The following PSMB1 variants were observed in gnomAD, a reference collection of about 807,000 sequenced individuals.
PSMB1 encodes the protein proteasome 20S subunit beta 1.
In PSMB1, 7 loss-of-function variants were observed where a neutral mutation model predicts 25.4. The observed-to-expected ratio is 0.28, with a 90% CI of 0.16 to 0.52. The LOEUF (loss-of-function observed/expected upper bound fraction) is 0.52. Among genes scored for constraint, PSMB1 ranks in the 20% least tolerant of loss-of-function variants. The pLI is 0.97. For synonymous variants in PSMB1, 119 were observed against 115.0 expected (o/e 1.03, Z -0.22); for missense variants, 284 against 302.2 (o/e 0.94, Z 0.45).
rs1302662083 is a variant in PSMB1 at position 170,553,278 on chromosome 6, C to A, written c.-36G>T. On this transcript the variant is annotated 5_prime_UTR_variant, in exon 1 of 6. Transcript: ENST00000262193. ...CGCCTGCGGATCCGACACTTGCTGTCTCACGGCGAGATGGCTGCCTTGACC... is the reference window on the plus strand; with the variant it reads ...CGCCTGCGGATCCGACACTTGCTGTATCACGGCGAGATGGCTGCCTTGACC... 2.0e-6 allele frequency: 3 copies of A among 1,516,594 alleles called. No individual in the cohort carries two copies. In the East Asian group the frequency reaches 7.0e-5, roughly 35 times the overall value. The allele number at this position is 1,516,594 out of a possible 1,614,324, so 93.9% of individuals were successfully genotyped here.
At chr6:170,548,540 A>G (rs902510525) in intron 2 of PSMB1, among the ~76,000 whole-genome samples, 4 of 152,186 alleles carry the variant, frequency 2.6e-5, no homozygotes, top group Non-Finnish European at 4.4e-5. Flanking sequence ...TTTAAAAAAA[A>G]TATCATTTAA....
chr6:170,549,348 A>G (rs1286033759), intron 1 of PSMB1: 9 of 460,264 alleles, frequency 2.0e-5, no homozygotes, highest in Non-Finnish European at 3.5e-5. Flanking sequence ...GCAGGAGTTA[A>G]CAGAAAAGCC....
intron 4 of PSMB1, among the ~76,000 whole-genome samples, chr6:170,540,148 C>T (rs191222924): frequency 1.7e-3 from 263 of 152,202 alleles, no homozygotes; most frequent in Middle Eastern, 0.01. Context: ...GTGCAGACAG[C>T]GGTTGACACC....
intron 4 of PSMB1, among the ~76,000 whole-genome samples, chr6:170,542,760 T>A (rs2114977596): frequency 6.6e-6 from 1 of 152,272 alleles, no homozygotes; most frequent in East Asian, 1.9e-4. Context: ...CCCCTACTTT[T>A]AGGGCAACTT....
chr6:170,549,576 A>C (rs893639404), intron 1 of PSMB1: 20 of 152,426 alleles, frequency 1.3e-4, no homozygotes, highest in African/African-American at 4.8e-4. Context: ...TTATTTCTTT[A>C]TACCCAATCC....
chr6:170,549,924 T>C (rs541891490), intron 1 of PSMB1: 1 of 152,330 alleles, frequency 6.6e-6, no homozygotes, highest in East Asian at 1.9e-4. Context: ...ACTAAGCACC[T>C]GGGCTCTGGA....
chr6:170,548,931 T>C lies in PSMB1; in HGVS notation c.221+75A>G, dbSNP rs1778857121. ...ACTTAAAAACTCATGAAACAAATCA[T>C]TTAGAAGTAGAAACTCTCACAACAT... On this transcript the variant is annotated intron_variant, in intron 2 of 5. Transcript: ENST00000262193. 5 of 1,120,354 alleles carry C rather than the reference T, an allele frequency of 4.5e-6. No homozygotes were observed. In the South Asian group the frequency reaches 5.4e-5, roughly 12 times the overall value. The allele number at this position is 1,120,354 out of a possible 1,614,324, so 69.4% of individuals were successfully genotyped here.
chr6:170,541,233 T>C (rs529940174), intron 4 of PSMB1, among the ~76,000 whole-genome samples: 2 of 152,136 alleles, frequency 1.3e-5, no homozygotes, highest in African/African-American at 2.4e-5. Flanking sequence ...GACAACCAGA[T>C]GAATTGTACT....
In PSMB1 at chr6:170,535,125, C is replaced by A. The variant is rs60070215; in HGVS notation, c.*95G>T. 3 of 1,110,862 alleles carry A rather than the reference C, an allele frequency of 2.7e-6. No individual in the cohort carries two copies. The highest frequency in any genetic ancestry group is 3.7e-6 in the Non-Finnish European group (3 of 800,406). The allele number at this position is 1,110,862 out of a possible 1,614,324, so 68.8% of individuals were successfully genotyped here. ...ACAAGTTATAGCAAAATGAGTACTTCAGGTTTCTCTTTTAATAAACAAAAC... is the reference window on the plus strand; with the variant it reads ...ACAAGTTATAGCAAAATGAGTACTTAAGGTTTCTCTTTTAATAAACAAAAC... On this transcript the variant is annotated 3_prime_UTR_variant, in exon 6 of 6. Coordinates refer to ENST00000262193, the MANE Select transcript of PSMB1 (RefSeq NM_002793.4).
chr6:170,537,394 C>G (rs1481798721), intron 4 of PSMB1, 54 bp from the exon 5 acceptor site: 4 of 1,408,898 alleles, frequency 2.8e-6, no homozygotes, highest in Non-Finnish European at 4.0e-6. Flanking sequence ...AATCCCAAAT[C>G]ATCGCAAAAA....
At chr6:170,538,052 T>G (rs1778716093) in intron 4 of PSMB1, among the ~76,000 whole-genome samples, 1 of 152,216 alleles carries the variant, frequency 6.6e-6, no homozygotes, top group Non-Finnish European at 1.5e-5. Flanking sequence ...GAAAACTATT[T>G]GTACAAGCAC....
intron 4 of PSMB1, among the ~76,000 whole-genome samples, chr6:170,540,588 C>CAAAAAAAAAAA (rs5881872): frequency 1.6e-5 from 1 of 61,200 alleles, no homozygotes; most frequent in African/African-American, 8.3e-5. Context: ...GAATGGACAG[C>CAAAAAAAAAAA]AAAAAAAAAA....
Position 170,535,530 on chromosome 6 carries a change from T to C in PSMB1, c.541-125A>G, listed in dbSNP as rs1436963608. On this transcript the variant is annotated intron_variant, in intron 5 of 5. Coordinates refer to ENST00000262193, the MANE Select transcript of PSMB1 (RefSeq NM_002793.4). ...ATGAAAATACTACACAAAATTAAAA[T>C]GTCCTTCAGACTGAATAAAGACCCT... 9.7e-6 allele frequency: 8 copies of C among 823,290 alleles called. No homozygotes were observed. The East Asian group carries it at 1.3e-4, about 14-fold the overall frequency. The allele number at this position is 823,290 out of a possible 1,614,324, so 51.0% of individuals were successfully genotyped here.
intron 5 of PSMB1, chr6:170,536,615 T>C (rs1270616754): frequency 2.7e-6 from 1 of 376,282 alleles, no homozygotes; most frequent in Non-Finnish European, 5.2e-6. Flanking sequence ...TGTAAATGTA[T>C]TTTCTCTTCC....
chr6:170,537,649 C>T (rs539933578), intron 4 of PSMB1, among the ~76,000 whole-genome samples: 1 of 152,248 alleles, frequency 6.6e-6, no homozygotes, highest in Admixed American at 6.5e-5. Context: ...TTGAGTAACA[C>T]AGAAAGGGTG....
In PSMB1 at chr6:170,553,176, C is replaced by T. The variant is rs1266823855; in HGVS notation, c.67G>A (p.Ala23Thr). The T allele has an allele frequency of 6.2e-7, 1 of 1,613,812 alleles. No homozygotes were observed. The highest frequency in any genetic ancestry group is 8.5e-7 in the Non-Finnish European group (1 of 1,179,904). The change falls in exon 1 of 6, where the codon GCG becomes ACG. Residue 23 changes from alanine (A) to threonine (T), a missense_variant. Ala to Thr is a moderately conservative substitution (Grantham distance 58). Transcript: ENST00000262193. ...RDLGMEPHRA[A>T]GPLQLRFSPY... is the part of the protein sequence containing the mutation. Reference sequence around the variant, plus strand: ...GAAAATCGCAGCTGCAAAGGGCCCGCGGCTCTGTGCGGTTCCATCCCCAAG... The same window carrying T: ...GAAAATCGCAGCTGCAAAGGGCCCGTGGCTCTGTGCGGTTCCATCCCCAAG...
intron 4 of PSMB1, among the ~76,000 whole-genome samples, chr6:170,538,675 G>A (rs746361460): frequency 3.9e-5 from 6 of 152,128 alleles, no homozygotes; most frequent in Non-Finnish European, 5.9e-5. Flanking sequence ...CTCCAGCCTG[G>A]GCAACAGAGC....
Position 170,549,258 on chromosome 6 carries a change from G to T in PSMB1, c.114-145C>A, listed in dbSNP as rs1341744022. The T allele has an allele frequency of 1.2e-5, 6 of 496,806 alleles. No homozygotes were observed. In the Admixed American group the frequency reaches 1.9e-4, roughly 15 times the overall value. The allele number at this position is 496,806 out of a possible 1,614,324, so 30.8% of individuals were successfully genotyped here. A position where few individuals can be genotyped will look rare whatever the true frequency, so the allele number is the denominator to read the frequency against. On this transcript the variant is annotated intron_variant, in intron 1 of 5. Coordinates refer to ENST00000262193, the MANE Select transcript of PSMB1 (RefSeq NM_002793.4). ...AAATGGGAAGAGGAAAGATGAGCGG[G>T]AAGAGAATGAACGCCTGGCTACGAG...
At chr6:170,537,458 A>G (rs1452812928) in intron 4 of PSMB1, 118 bp from the exon 5 acceptor site, 2 of 743,766 alleles carry the variant, frequency 2.7e-6, no homozygotes, top group African/African-American at 1.7e-5. Context: ...CTAAAACTTC[A>G]GGGAACAGTT....
Sources: allele counts gnomAD v4.1 joint callset (sites outside exome capture counted in the v4.1 genomes callset), GRCh38; gene constraint gnomAD v4.1.1; transcripts MANE v1.5; gene names NCBI Gene and HGNC (gene_info 2026-07-23, HGNC 2026-07-21).